Variants in SPTBN5 observed in about 807,000 individuals in gnomAD.
The protein encoded by SPTBN5 is spectrin beta chain, non-erythrocytic 5.
Under a neutral mutation model 477.6 loss-of-function variants are expected in SPTBN5, and 513 were observed. That is an observed-to-expected ratio of 1.07 (90% confidence interval 1.00 to 1.16). SPTBN5 has a LOEUF of 1.16. SPTBN5 is among the 50% of genes most tolerant of loss of function. The pLI, the probability that SPTBN5 is intolerant of heterozygous loss-of-function variation, is 0.00. For synonymous variants in SPTBN5, 2,169 were observed against 2,011.7 expected (o/e 1.08, Z -2.09); for missense variants, 5,062 against 4,731.8 (o/e 1.07, Z -2.05).
chr15:41,881,685 CG>C (rs1567224735), intron 12 of SPTBN5, among the ~76,000 whole-genome samples: 1 of 152,156 alleles, frequency 6.6e-6, no homozygotes, highest in Non-Finnish European at 1.5e-5. Flanking sequence ...CTGAAACTGC[CG>C]GCAACAGGAG....
Position 41,866,205 on chromosome 15 carries a change from T to C in SPTBN5, c.6655A>G (p.Ser2219Gly). ...AKKGEALLAQ[S>G]HPRAGEVSQR... ...GAGACCTCTCCGGCTCGAGGGTGAC[T>C]CTGTGCCAGGAGAGCCTCTCCCTTC... is the stretch of plus-strand genomic sequence containing the variant. Residue 2219 changes from serine (S) to glycine (G), a missense_variant, in exon 38 of 68, where the codon AGT becomes GGT. Coordinates refer to ENST00000320955, the MANE Select transcript of SPTBN5 (RefSeq NM_016642.4). 1.3e-6 allele frequency: 2 copies of C among 1,589,540 alleles called. No individual in the cohort carries two copies. Among genetic ancestry groups the C allele is most frequent in the Non-Finnish European group, 1.7e-6 (2 of 1,170,492 alleles).
In SPTBN5 at chr15:41,871,707, C is replaced by T. The variant is rs572995910; in HGVS notation, c.5301+75G>A. 2.6e-5 allele frequency: 37 copies of T among 1,437,366 alleles called. No individual in the cohort carries two copies. The African/African-American group carries it at 5.1e-4, about 20-fold the overall frequency. The allele number at this position is 1,437,366 out of a possible 1,614,324, so 89.0% of individuals were successfully genotyped here. Reference sequence around the variant, plus strand: ...GCTCTGCTGCCACCTTCTTCCTCCGCCCCGCCAGAGCCAGCTTCCCCACCC... The same window carrying T: ...GCTCTGCTGCCACCTTCTTCCTCCGTCCCGCCAGAGCCAGCTTCCCCACCC... On this transcript the variant is annotated intron_variant, in intron 28 of 67. Transcript: ENST00000320955.
At chr15:41,860,133 C>T (rs1363583852) in intron 47 of SPTBN5, among the ~76,000 whole-genome samples, 1 of 152,210 alleles carries the variant, frequency 6.6e-6, no homozygotes, top group African/African-American at 2.4e-5. Flanking sequence ...GGGGCCAGCA[C>T]AGTGCTTTCG....
At chr15:41,852,347 G>C in intron 61 of SPTBN5, 31 bp from the exon 62 acceptor site, 1 of 1,535,568 alleles carries the variant, frequency 6.5e-7, no homozygotes, top group Non-Finnish European at 8.8e-7. Flanking sequence ...GGCAAGGTGA[G>C]CCAGGTCAGG....
At position 41,857,888 on chromosome 15, in the gene SPTBN5, T is replaced by G. The variant is rs574532885; in HGVS notation, c.8227-178A>C. Among the ~76,000 whole-genome samples, 6 of 152,344 alleles carry G rather than the reference T, an allele frequency of 3.9e-5. No individual in the cohort carries two copies. In the South Asian group the frequency reaches 1.2e-3, roughly 32 times the overall value. On this transcript the variant is annotated intron_variant, in intron 49 of 67. Coordinates refer to ENST00000320955, the MANE Select transcript of SPTBN5 (RefSeq NM_016642.4). ...CTCATCCGTATCATAGAGAAAATAATGGTTATTTTGTTTAAATGAGATAAG... is the reference window on the plus strand; with the variant it reads ...CTCATCCGTATCATAGAGAAAATAAGGGTTATTTTGTTTAAATGAGATAAG...
intron 16 of SPTBN5, among the ~76,000 whole-genome samples, 165 bp downstream of exon 16, chr15:41,879,095 C>T (rs2066852057): frequency 6.6e-6 from 1 of 152,160 alleles, no homozygotes; most frequent in African/African-American, 2.4e-5. Flanking sequence ...AGGGCTCTTC[C>T]TGTCCCCAGG....
At chr15:41,876,376 C>T (rs1386960776) in intron 20 of SPTBN5, 92 bp from the exon 21 acceptor site, 1 of 1,446,902 alleles carries the variant, frequency 6.9e-7, no homozygotes, top group Non-Finnish European at 9.2e-7. Context: ...GCCACAGCCC[C>T]TGTTTTCCTC....
intron 3 of SPTBN5, among the ~76,000 whole-genome samples, chr15:41,890,668 G>C (rs2067282106): frequency 6.6e-6 from 1 of 152,210 alleles, no homozygotes; most frequent in Admixed American, 6.5e-5. Context: ...CTCTTCTTCT[G>C]TTCCGGCTCC....
rs780435820 is a variant in SPTBN5 at position 41,876,533 on chromosome 15, G to C, written c.3951+15C>G. On this transcript the variant is annotated intron_variant, in intron 20 of 67. Transcript: ENST00000320955. ...TTTCAGGGAGGCGTCATGCGACCTG[G>C]GCCCAGACCCTCACCTGGAGCTGGA... 55 of 1,577,582 alleles carry C rather than the reference G, an allele frequency of 3.5e-5. No individual in the cohort carries two copies. The highest frequency in any genetic ancestry group is 8.1e-5 in the South Asian group (7 of 86,168).
rs781772208 is a variant in SPTBN5 at position 41,858,999 on chromosome 15, C to T, written c.7989-19G>A. ...CTCCTTCCTGCCAGGAGGAGAGGCT[C>T]ATGGGCCTGGAGCCACCCCCGGGGC... On this transcript the variant is annotated intron_variant, in intron 47 of 67. Transcript: ENST00000320955. The T allele has an allele frequency of 1.3e-5, 19 of 1,516,060 alleles. No homozygotes were observed. Among genetic ancestry groups the T allele is most frequent in the Non-Finnish European group, 1.7e-5 (19 of 1,132,556 alleles). 93.9% of individuals were successfully genotyped at this position (1,516,060 alleles called of 1,614,324 possible).
Position 41,849,943 on chromosome 15 carries a change from TG to T in SPTBN5, c.10937del (p.Pro3646GlnfsTer11). ...LGSTAAQSLS[P>X]KLKAKPVSSL... ...AGCTGACAGGTTTGGCTTTGAGTTT[TG>T]GGCTCAGACTCTGGGCTGCAGAGCA... is the stretch of plus-strand genomic sequence containing the variant. On this transcript the variant is annotated frameshift_variant, in exon 67 of 68. Transcript: ENST00000320955. LOFTEE classifies it high-confidence loss of function. 1 of 1,594,518 alleles carries T rather than the reference TG, an allele frequency of 6.3e-7. No individual in the cohort carries two copies.
At chr15:41,890,749 A>C (rs1270092631) in intron 3 of SPTBN5, among the ~76,000 whole-genome samples, 4 of 152,200 alleles carry the variant, frequency 2.6e-5, no homozygotes, top group Non-Finnish European at 4.4e-5. Flanking sequence ...GAGCCTGGGA[A>C]TTTGCACTTG....
rs1443085969 is a variant in SPTBN5 at position 41,856,588 on chromosome 15, C to T, written c.8819G>A (p.Ser2940Asn). 6.3e-7 allele frequency: 1 copy of T among 1,588,306 alleles called. No homozygotes were observed. Among genetic ancestry groups the T allele is most frequent in the Admixed American group, 1.7e-5 (1 of 58,354 alleles). The change falls in exon 53 of 68, where the codon AGT becomes AAT. Residue 2940 changes from serine to asparagine, a missense_variant. Coordinates refer to ENST00000320955, the MANE Select transcript of SPTBN5 (RefSeq NM_016642.4). ...HLQEQHQNLE[S>N]EMSSHEALTR... ...CAGAGCCTCGTGGCTGCTCATCTCACTCTCCAGGTTCTGCGGGGGAGGAGG... is the reference window on the plus strand; with the variant it reads ...CAGAGCCTCGTGGCTGCTCATCTCATTCTCCAGGTTCTGCGGGGGAGGAGG...
At position 41,852,634 on chromosome 15, in the gene SPTBN5, C is replaced by G; in HGVS notation, c.10449G>C (p.Glu3483Asp). 2 of 1,613,194 alleles carry G rather than the reference C, an allele frequency of 1.2e-6. No homozygotes were observed. The highest frequency in any genetic ancestry group is 1.7e-6 in the Non-Finnish European group (2 of 1,179,812). ...EEKFAQMQKTEMEQELLLQPQ... is the reference protein window; with the variant it reads ...EEKFAQMQKTDMEQELLLQPQ... ...AGCCCCTAGCCGAGGCAGTCGTCAC[C>G]TCTGTCTTTTGCATTTGGGCAAACT... The change falls in exon 61 of 68, where the codon GAG (glutamate) becomes GAC (aspartate). Residue 3483 changes from glutamate to aspartate, a missense_variant and splice_region_variant. Transcript: ENST00000320955.
At chr15:41,850,745 A>C in intron 66 of SPTBN5, 109 bp downstream of exon 66, 60 of 917,398 alleles carry the variant, frequency 6.5e-5, no homozygotes, top group Non-Finnish European at 9.0e-5. Flanking sequence ...CTTGGAGGTT[A>C]GAGATGCTAA....
In SPTBN5 at chr15:41,866,324, G is replaced by A. The variant is rs1193698538; in HGVS notation, c.6630+20C>T. ...GGCCACACTTTGGGGCAGGCATGGG[G>A]CTGAGGGCCCGGTTGTTACCTTGGC... is the stretch of plus-strand genomic sequence containing the variant. On this transcript the variant is annotated intron_variant, in intron 37 of 67. Transcript: ENST00000320955. The A allele has an allele frequency of 5.1e-6, 8 of 1,578,830 alleles. No homozygotes were observed. In the Middle Eastern group the frequency reaches 5.1e-4, roughly 101 times the overall value.
At position 41,886,187 on chromosome 15, in the gene SPTBN5, C is replaced by A; in HGVS notation, c.1068G>T (p.Lys356Asn). 6.2e-7 allele frequency: 1 copy of A among 1,612,920 alleles called. No homozygotes were observed. Among genetic ancestry groups the A allele is most frequent in the Non-Finnish European group, 8.5e-7 (1 of 1,179,776 alleles). ...CCCCTCGCTGCTGTAGCCGGGGTGG[C>A]TTCTCCTGGGTGCGGAAGATGGTGA... Reference protein sequence around the residue: ...AAFTIFRTQEKPPRLQQRGAA... With the variant: ...AAFTIFRTQENPPRLQQRGAA... Residue 356 changes from lysine to asparagine, a missense_variant, in exon 7 of 68, where the codon AAG becomes AAT. Lys to Asn is a moderately conservative substitution (Grantham distance 94). Transcript: ENST00000320955.
In SPTBN5 at chr15:41,871,543, C is replaced by T. The variant is rs1407827575; in HGVS notation, c.5302-23G>A. 2.8e-6 allele frequency: 4 copies of T among 1,452,828 alleles called. No individual in the cohort carries two copies. In the Admixed American group the frequency reaches 8.0e-5, roughly 29 times the overall value. 90.0% of individuals were successfully genotyped at this position (1,452,828 alleles called of 1,614,324 possible). A position where few individuals can be genotyped will look rare whatever the true frequency, so the allele number is the denominator to read the frequency against. ...GTGCTGAGAAGAGGGGAGTGGGTGA[C>T]AGGGTAGCCCCCAGCTGGTTAGGCG... On this transcript the variant is annotated intron_variant, in intron 28 of 67. Transcript: ENST00000320955.
chr15:41,859,411 G>A (rs1024861229), intron 47 of SPTBN5, among the ~76,000 whole-genome samples: 2 of 152,076 alleles, frequency 1.3e-5, no homozygotes, highest in Non-Finnish European at 2.9e-5. Flanking sequence ...CACCTACCTC[G>A]GCCTCCCAAA....
Sources: gnomAD v4.1 joint callset for allele counts (sites outside exome capture counted in the v4.1 genomes callset) on GRCh38, gnomAD v4.1.1 for gene constraint, MANE v1.5 for transcripts, NCBI Gene and HGNC (gene_info 2026-07-23, HGNC 2026-07-21) for gene names.